Variants in OSBPL3 observed in about 807,000 individuals in gnomAD.
OSBPL3 encodes the protein oxysterol-binding protein-related protein 3.
A neutral mutation model predicts 120.1 loss-of-function variants in OSBPL3; 65 were observed. That is an observed-to-expected ratio of 0.54 (90% CI 0.44 to 0.67). The LOEUF is 0.67. Ranked by LOEUF, OSBPL3 falls within the 30% of genes least tolerant of loss-of-function variation. The probability of loss-of-function intolerance (pLI) is 0.00; values close to 1 mark genes in which losing one functional copy is unlikely to be tolerated. For missense variants in OSBPL3, 1,004 were observed against 1,082.1 expected (o/e 0.93, Z 1.01); for synonymous variants, 416 against 402.6 (o/e 1.03, Z -0.40).
intron 1 of OSBPL3, among the ~76,000 whole-genome samples, chr7:24,975,851 T>C (rs575697651): frequency 6.6e-5 from 10 of 152,306 alleles, no homozygotes; most frequent in African/African-American, 2.4e-4. Flanking sequence ...CAAAAGCAGT[T>C]TATGAGTTCA....
rs116080469 is a variant in OSBPL3, at chr7:24,827,485, T to C, written c.1884+3283A>G. On this transcript the variant is annotated intron_variant, in intron 16 of 22. Transcript: ENST00000313367. The surrounding 1 kb of genome is among the most constrained non-coding windows in gnomAD (Gnocchi z 5.1). ...GGACTGCCTGGTGTACTGAATCACA[T>C]AGCTGCATCTTCACACTGTATGCTC... Among the ~76,000 whole-genome samples, 446 of 152,344 alleles carry C rather than the reference T, an allele frequency of 2.9e-3. 3 individuals carry two copies. Among genetic ancestry groups the C allele is most frequent in the African/African-American group, 0.01 (429 of 41,586 alleles).
In OSBPL3 at chr7:24,964,380, A is replaced by G. The variant is rs1330428730; in HGVS notation, c.-150+15506T>C. Among the ~76,000 whole-genome samples, 2 of 152,202 alleles carry G rather than the reference A, an allele frequency of 1.3e-5. No homozygotes were observed. Among genetic ancestry groups the G allele is most frequent in the Non-Finnish European group, 2.9e-5 (2 of 68,036 alleles). On this transcript the variant is annotated intron_variant, in intron 1 of 22. Transcript: ENST00000313367. This position sits in a 1 kb window ranked among gnomAD's most constrained non-coding sequence, Gnocchi z 4.2. ...CAAAACTATAAATCATGCTGCTAAC[A>G]TATACTCTTGATATGATGTAATGAG...
At chr7:24,857,566 A>G (rs1399580007) in intron 10 of OSBPL3, among the ~76,000 whole-genome samples, 3 of 152,256 alleles carry the variant, frequency 2.0e-5, no homozygotes, top group Non-Finnish European at 1.5e-5. Flanking sequence ...CAGGCTATCA[A>G]GGGCCAGAGA....
At chr7:24,928,034 T>C (rs1183459810) in intron 1 of OSBPL3, among the ~76,000 whole-genome samples, 1 of 151,996 alleles carries the variant, frequency 6.6e-6, no homozygotes. Flanking sequence ...TGTTCAAAAG[T>C]GTGTAGCACC....
chr7:24,958,289 C>A (rs1353690430), intron 1 of OSBPL3, among the ~76,000 whole-genome samples: 1 of 152,102 alleles, frequency 6.6e-6, no homozygotes, highest in African/African-American at 2.4e-5. Context: ...AAAATGCTAT[C>A]TCCATGTGTT....
chr7:24,847,098 G>A (rs1167323479), intron 12 of OSBPL3, among the ~76,000 whole-genome samples: 3 of 150,854 alleles, frequency 2.0e-5, no homozygotes, highest in Non-Finnish European at 4.4e-5. Flanking sequence ...AAAAGGAAAC[G>A]AAGTGAGCAA....
rs1278309397 is a variant in OSBPL3 at position 24,803,597 on chromosome 7, C to G, written c.2567+718G>C. ...ACCATCCTGGCCAACAAGGTGAAACCCCGTCTCTACTAAAAATACAAAAAT... is the reference window on the plus strand; with the variant it reads ...ACCATCCTGGCCAACAAGGTGAAACGCCGTCTCTACTAAAAATACAAAAAT... On this transcript the variant is annotated intron_variant, in intron 22 of 22. Transcript: ENST00000313367. This position sits in a 1 kb window ranked among gnomAD's most constrained non-coding sequence, Gnocchi z 4.2. Among the ~76,000 whole-genome samples the G allele has an allele frequency of 2.0e-4, 30 of 152,028 alleles. No homozygotes were observed. Among genetic ancestry groups the G allele is most frequent in the Non-Finnish European group, 1.5e-5 (1 of 68,000 alleles).
At chr7:24,919,224 G>A (rs145) in intron 1 of OSBPL3, among the ~76,000 whole-genome samples, 93,704 of 151,978 alleles carry the variant, frequency 0.62, 29,745 homozygotes, top group African/African-American at 0.77. Context: ...TAATCTTTTC[G>A]AAGTTGGAGG....
intron 1 of OSBPL3, among the ~76,000 whole-genome samples, chr7:24,948,776 C>A (rs1274671858): frequency 6.6e-6 from 1 of 152,140 alleles, no homozygotes; most frequent in Admixed American, 6.5e-5. Context: ...AGTATCTTAA[C>A]TGAGAGGGTA....
intron 1 of OSBPL3, among the ~76,000 whole-genome samples, chr7:24,914,246 A>C (rs1809240133): frequency 6.6e-6 from 1 of 151,824 alleles, no homozygotes; most frequent in South Asian, 2.1e-4. Context: ...ATCAGCACCC[A>C]GACCAGAGCC....
At chr7:24,970,192 C>T (rs1178520187) in intron 1 of OSBPL3, among the ~76,000 whole-genome samples, 1 of 149,604 alleles carries the variant, frequency 6.7e-6, no homozygotes, top group South Asian at 2.1e-4. Flanking sequence ...ACTGCAACCT[C>T]CACCTCCCCG....
chr7:24,950,489 G>A (rs1371145718), intron 1 of OSBPL3, among the ~76,000 whole-genome samples: 3 of 152,240 alleles, frequency 2.0e-5, no homozygotes, highest in Admixed American at 6.5e-5. Flanking sequence ...TTGGGAGGCC[G>A]AGGCGGGCGG....
At chr7:24,832,943 C>T (rs1796575208) in intron 15 of OSBPL3, among the ~76,000 whole-genome samples, 1 of 152,212 alleles carries the variant, frequency 6.6e-6, no homozygotes, top group South Asian at 2.1e-4. Context: ...GTCAATTACA[C>T]TGATCAATCA....
At position 24,808,080 on chromosome 7, in the gene OSBPL3, T is replaced by C. The variant is rs1793296017; in HGVS notation, c.2318-1178A>G. On this transcript the variant is annotated intron_variant, in intron 20 of 22. Transcript: ENST00000313367. This position sits in a 1 kb window ranked among gnomAD's most constrained non-coding sequence, Gnocchi z 4.6. ...CATGCCTGGCTAATCTTTGTATTTT[T>C]AGTAGAGATGAGATTTTGCCATGTT... Among the ~76,000 whole-genome samples, 1 of 152,148 alleles carries C rather than the reference T, an allele frequency of 6.6e-6. No homozygotes were observed. Among genetic ancestry groups the C allele is most frequent in the Non-Finnish European group, 1.5e-5 (1 of 68,028 alleles).
At chr7:24,927,445 T>G (rs553981909) in intron 1 of OSBPL3, among the ~76,000 whole-genome samples, 1 of 152,222 alleles carries the variant, frequency 6.6e-6, no homozygotes, top group Non-Finnish European at 1.5e-5. Flanking sequence ...GAATAGCACT[T>G]GGCATTTCTT....
intron 2 of OSBPL3, among the ~76,000 whole-genome samples, chr7:24,882,700 A>T (rs1044049151): frequency 3.3e-5 from 5 of 152,216 alleles, no homozygotes; most frequent in African/African-American, 1.2e-4. Flanking sequence ...TCCCATTGAC[A>T]GTGTGAAAGA....
rs765157108 is a variant in OSBPL3, at chr7:24,972,440, T to C, written c.-150+7446A>G. ...GGGTCCCAATTAAAAGCCAGACTCATTCCCTTTGAGCCACATCTCCCCACT... is the reference window on the plus strand; with the variant it reads ...GGGTCCCAATTAAAAGCCAGACTCACTCCCTTTGAGCCACATCTCCCCACT... On this transcript the variant is annotated intron_variant, in intron 1 of 22. Transcript: ENST00000313367. This position sits in a 1 kb window ranked among gnomAD's most constrained non-coding sequence, Gnocchi z 4.3. 1.8e-4 allele frequency among the ~76,000 whole-genome samples: 28 copies of C among 152,208 alleles called. No homozygotes were observed. Among genetic ancestry groups the C allele is most frequent in the Non-Finnish European group, 2.9e-4 (20 of 68,028 alleles).
chr7:24,958,333 T>C (rs1028788772), intron 1 of OSBPL3, among the ~76,000 whole-genome samples: 1 of 152,188 alleles, frequency 6.6e-6, no homozygotes, highest in Non-Finnish European at 1.5e-5. Context: ...TTTTTGGCTT[T>C]TTTTGATTGA....
rs1806669308 is a variant in OSBPL3 at position 24,899,530 on chromosome 7, A to T, written c.-149-6909T>A. Among the ~76,000 whole-genome samples the T allele has an allele frequency of 6.6e-6, 1 of 152,208 alleles. No homozygotes were observed. The highest frequency in any genetic ancestry group is 2.1e-4 in the South Asian group (1 of 4,832). ...CATGTTAATTTTGACCCATGTCAAGATATTTCTGGAGACCAATGGTCACTG... is the reference window on the plus strand; with the variant it reads ...CATGTTAATTTTGACCCATGTCAAGTTATTTCTGGAGACCAATGGTCACTG... On this transcript the variant is annotated intron_variant, in intron 1 of 22. Coordinates refer to ENST00000313367, the MANE Select transcript of OSBPL3 (RefSeq NM_015550.4). This position sits in a 1 kb window ranked among gnomAD's most constrained non-coding sequence, Gnocchi z 4.0.
Sources: allele counts gnomAD v4.1 joint callset (sites outside exome capture counted in the v4.1 genomes callset), GRCh38; gene constraint gnomAD v4.1.1; non-coding constraint Gnocchi (gnomAD v3.1); transcripts MANE v1.5; gene names NCBI Gene and HGNC (gene_info 2026-07-23, HGNC 2026-07-21).